The following AATF variants were observed in gnomAD, a reference collection of about 807,000 sequenced individuals.
AATF encodes the protein protein AATF.
A neutral mutation model predicts 63.7 loss-of-function variants in AATF; 48 were observed. The ratio of observed to expected loss-of-function variants is 0.75; its 90% CI spans 0.60 to 0.96. The LOEUF (loss-of-function observed/expected upper bound fraction) is 0.96. AATF is among the 40% of genes least tolerant of loss of function. The pLI is 0.00. For synonymous variants in AATF, 258 were observed against 247.7 expected, an observed-to-expected ratio of 1.04 and a Z score of -0.39; for missense variants, 639 against 685.7, an observed-to-expected ratio of 0.93 and a Z score of 0.76.
intron 8 of AATF, among the ~76,000 whole-genome samples, chr17:37,005,494 G>C (rs1305091699): frequency 3.3e-5 from 5 of 152,306 alleles, no homozygotes; most frequent in Non-Finnish European, 5.9e-5. Flanking sequence ...TTTCAGCTGG[G>C]CTTTTGGTTC....
At chr17:37,010,980 CA>C (rs2071386165) in intron 8 of AATF, among the ~76,000 whole-genome samples, 3 of 152,162 alleles carry the variant, frequency 2.0e-5, no homozygotes, top group African/African-American at 7.2e-5. Flanking sequence ...AATGAGGAGA[CA>C]AAAATGGAGG....
intron 5 of AATF, 65 bp from the exon 6 acceptor site, chr17:36,988,454 C>T (rs1161706798): frequency 1.5e-5 from 23 of 1,497,350 alleles, no homozygotes; most frequent in South Asian, 4.8e-5. Context: ...TTTATGTGAG[C>T]CTAGTTTTTA....
chr17:37,021,181 A>G (rs1263826538), intron 10 of AATF, 167 bp downstream of exon 10: 1 of 518,820 alleles, frequency 1.9e-6, no homozygotes, highest in Non-Finnish European at 3.3e-6. Flanking sequence ...TTCTTATTCT[A>G]AAATGGAAAT....
In AATF at chr17:37,021,818, A is replaced by AT. The variant is rs1422362634; in HGVS notation, c.1547+804_1547+805insT. Among the ~76,000 whole-genome samples, 59 of 140,498 alleles carry AT rather than the reference A, an allele frequency of 4.2e-4. 4 individuals carry two copies. The highest frequency in any genetic ancestry group is 1.6e-3 in the Admixed American group (23 of 14,410). 92.2% of individuals were successfully genotyped at this position (140,498 alleles called of 152,430 possible). A position where few individuals can be genotyped will look rare whatever the true frequency, so the allele number is the denominator to read the frequency against. ...AGACTCCGTCTCAAAAAAAAAAAAA[A>AT]AAATAATAATAATAATAATAATAAA... is the stretch of plus-strand genomic sequence containing the variant. On this transcript the variant is annotated intron_variant, in intron 10 of 11. Coordinates refer to ENST00000619387, the MANE Select transcript of AATF (RefSeq NM_012138.4).
chr17:36,988,442 C>A, intron 5 of AATF, 77 bp from the exon 6 acceptor site: 1 of 1,408,674 alleles, frequency 7.1e-7, no homozygotes, highest in Non-Finnish European at 9.8e-7. Flanking sequence ...TATTCTCAGT[C>A]CTTTATGTGA....
At chr17:36,995,840 T>C (rs2071250849) in intron 8 of AATF, among the ~76,000 whole-genome samples, 1 of 152,104 alleles carries the variant, frequency 6.6e-6, no homozygotes, top group Non-Finnish European at 1.5e-5. Context: ...AGTGCTAAGA[T>C]TACAGGTGTG....
At chr17:36,983,080 C>T (rs1391682486) in intron 4 of AATF, among the ~76,000 whole-genome samples, 6 of 151,900 alleles carry the variant, frequency 3.9e-5, no homozygotes, top group Non-Finnish European at 7.4e-5. Flanking sequence ...GTTGTTCTAT[C>T]ACCCAAGCTG....
chr17:36,949,604 G>A (rs1445534798), intron 1 of AATF, among the ~76,000 whole-genome samples: 2 of 152,238 alleles, frequency 1.3e-5, no homozygotes, highest in Non-Finnish European at 2.9e-5. Flanking sequence ...TTTTAATTCA[G>A]GTTGCCCTTC....
chr17:37,040,377 T>C (rs1424589613), intron 11 of AATF, among the ~76,000 whole-genome samples: 1 of 152,098 alleles, frequency 6.6e-6, no homozygotes, highest in Non-Finnish European at 1.5e-5. Flanking sequence ...TGAAATAATA[T>C]AGAATAATCA....
intron 4 of AATF, among the ~76,000 whole-genome samples, chr17:36,977,351 T>C (rs1458834613): frequency 6.6e-6 from 1 of 152,184 alleles, no homozygotes; most frequent in Admixed American, 6.5e-5. Flanking sequence ...TGATTAATTC[T>C]GCATGGAATC....
intron 11 of AATF, among the ~76,000 whole-genome samples, chr17:37,035,538 C>T (rs1057350771): frequency 6.7e-6 from 1 of 148,740 alleles, no homozygotes; most frequent in African/African-American, 2.4e-5. Context: ...ATTGTGTTTC[C>T]AACTTTTTTT....
At chr17:36,968,769 A>G (rs1461474858) in intron 4 of AATF, among the ~76,000 whole-genome samples, 1 of 151,770 alleles carries the variant, frequency 6.6e-6, no homozygotes, top group Non-Finnish European at 1.5e-5. Flanking sequence ...CTACAGGTGC[A>G]TGCCATCCCA....
intron 8 of AATF, among the ~76,000 whole-genome samples, chr17:37,001,554 T>C (rs956613097): frequency 1.3e-5 from 2 of 151,606 alleles, no homozygotes; most frequent in Non-Finnish European, 2.9e-5. Flanking sequence ...AATCAATTAA[T>C]GTATTATAAC....
chr17:36,994,968 A>G (rs1038494438), intron 8 of AATF, among the ~76,000 whole-genome samples: 1 of 152,224 alleles, frequency 6.6e-6, no homozygotes, highest in Non-Finnish European at 1.5e-5. Flanking sequence ...TAAGCTATAT[A>G]AAGTGGCTGG....
At chr17:37,032,927 A>G (rs2071562828) in intron 11 of AATF, among the ~76,000 whole-genome samples, 1 of 152,204 alleles carries the variant, frequency 6.6e-6, no homozygotes. Flanking sequence ...CATATTTACC[A>G]AGTGAAATTA....
chr17:36,952,603 G>A (rs1256903038), intron 2 of AATF, among the ~76,000 whole-genome samples: 2 of 152,210 alleles, frequency 1.3e-5, no homozygotes, highest in Non-Finnish European at 2.9e-5. Context: ...CTGGGTTATT[G>A]AAATTTTGTC....
rs754047741 is a variant in AATF at position 36,952,976 on chromosome 17, C to A, written c.374C>A (p.Ala125Asp). The change falls in exon 3 of 12, where the codon GCT becomes GAT. Residue 125 changes from alanine (A) to aspartate (D), a missense_variant. Coordinates refer to ENST00000619387, the MANE Select transcript of AATF (RefSeq NM_012138.4). Reference protein sequence around the residue: ...EEYDEDDLGAAEEQECGDHRE... With the variant: ...EEYDEDDLGADEEQECGDHRE... ...TATGATGAGGACGACCTGGGTGCTGCTGAGGAACAGGAGTGTGGTGATCAC... is the reference window on the plus strand; with the variant it reads ...TATGATGAGGACGACCTGGGTGCTGATGAGGAACAGGAGTGTGGTGATCAC... 4 of 1,613,994 alleles carry A rather than the reference C, an allele frequency of 2.5e-6. No homozygotes were observed. The highest frequency in any genetic ancestry group is 3.4e-6 in the Non-Finnish European group (4 of 1,180,028).
rs189613155 is a variant in AATF, at chr17:37,010,967, T to C, written c.1399-8038T>C. 1.2e-4 allele frequency among the ~76,000 whole-genome samples: 18 copies of C among 152,238 alleles called. No individual in the cohort carries two copies. In the East Asian group the frequency reaches 2.5e-3, roughly 21 times the overall value. ...GCTTTTTGAAAATACTACTCTTGAG[T>C]ACAATGAGGAGACAAAAATGGAGGG... On this transcript the variant is annotated intron_variant, in intron 8 of 11. Transcript: ENST00000619387.
At chr17:37,023,718 G>C (rs2071490560) in intron 10 of AATF, among the ~76,000 whole-genome samples, 2 of 151,808 alleles carry the variant, frequency 1.3e-5, no homozygotes, top group Admixed American at 1.3e-4. Context: ...AGTGGTTTTA[G>C]TGTCCTTCAC....
Sources: gnomAD v4.1 joint callset for allele counts (sites outside exome capture counted in the v4.1 genomes callset) on GRCh38, gnomAD v4.1.1 for gene constraint, MANE v1.5 for transcripts, NCBI Gene and HGNC (gene_info 2026-07-23, HGNC 2026-07-21) for gene names.